The following ATXN1 variants were observed in gnomAD, a reference collection of about 807,000 sequenced individuals.
The protein encoded by ATXN1 is ataxin 1.
In ATXN1, 8 loss-of-function variants were observed where a neutral mutation model predicts 56.4. The ratio of observed to expected loss-of-function variants is 0.14; its 90% CI spans 0.08 to 0.26. The LOEUF (loss-of-function observed/expected upper bound fraction) is 0.26, where lower values mean the gene tolerates loss of function less well. ATXN1 is among the 10% of genes least tolerant of loss of function. The probability of loss-of-function intolerance (pLI) is 1.00; values close to 1 mark genes in which losing one functional copy is unlikely to be tolerated. For missense variants in ATXN1, 987 were observed against 1,106.5 expected, an observed-to-expected ratio of 0.89 and a Z score of 1.53; for synonymous variants, 514 against 494.6, an observed-to-expected ratio of 1.04 and a Z score of -0.52.
intron 3 of ATXN1, among the ~76,000 whole-genome samples, chr6:16,607,052 A>G (rs1013769611): frequency 2.6e-5 from 4 of 151,082 alleles, no homozygotes; most frequent in Admixed American, 6.6e-5. Flanking sequence ...ATGCCCAGCT[A>G]ATGTTTTGTA....
At chr6:16,743,938 T>A (rs493352) in intron 2 of ATXN1, among the ~76,000 whole-genome samples, 12 of 152,016 alleles carry the variant, frequency 7.9e-5, no homozygotes, top group African/African-American at 2.9e-4. Context: ...TCAAAACCTA[T>A]GGAGCCAGGC....
intron 4 of ATXN1, among the ~76,000 whole-genome samples, chr6:16,564,020 T>C (rs1366023049): frequency 6.6e-6 from 1 of 152,224 alleles, no homozygotes; most frequent in African/African-American, 2.4e-5. Flanking sequence ...ACAGACAGCA[T>C]GGACCTTGCT....
At chr6:16,318,327 A>G (rs1428587339) in intron 7 of ATXN1, among the ~76,000 whole-genome samples, 1 of 152,200 alleles carries the variant, frequency 6.6e-6, no homozygotes, top group African/African-American at 2.4e-5. Context: ...CTCATAAGCT[A>G]GGTTTCAGTA....
chr6:16,557,888 C>G (rs1762043516), intron 4 of ATXN1, among the ~76,000 whole-genome samples: 1 of 152,156 alleles, frequency 6.6e-6, no homozygotes, highest in South Asian at 2.1e-4. Context: ...ACCTTGAAAA[C>G]ATTACGCTAA....
intron 2 of ATXN1, among the ~76,000 whole-genome samples, chr6:16,708,199 C>T (rs1759446607): frequency 6.6e-6 from 1 of 152,084 alleles, no homozygotes; most frequent in Admixed American, 6.6e-5. Context: ...AGGTTAAAAG[C>T]ATTATAAATG....
At chr6:16,596,304 CT>C (rs1222910711) in intron 3 of ATXN1, among the ~76,000 whole-genome samples, 1 of 152,172 alleles carries the variant, frequency 6.6e-6, no homozygotes, top group Non-Finnish European at 1.5e-5. Context: ...CTCAGACCTC[CT>C]TTTCTCCCCT....
intron 3 of ATXN1, among the ~76,000 whole-genome samples, chr6:16,626,116 C>A (rs945186375): frequency 6.6e-6 from 1 of 152,106 alleles, no homozygotes; most frequent in Non-Finnish European, 1.5e-5. Context: ...TTCCCCAGTG[C>A]CTAGTACAAC....
chr6:16,680,514 A>G (rs1257098810), intron 2 of ATXN1, among the ~76,000 whole-genome samples: 1 of 152,108 alleles, frequency 6.6e-6, no homozygotes, highest in East Asian at 1.9e-4. Context: ...CATTCATCAG[A>G]CCCTTCAAGG....
intron 2 of ATXN1, among the ~76,000 whole-genome samples, chr6:16,690,980 AG>A (rs1471383666): frequency 6.6e-6 from 1 of 152,242 alleles, no homozygotes; most frequent in Non-Finnish European, 1.5e-5. Context: ...AAAGGAAGAA[AG>A]GGAGATAAGA....
At chr6:16,582,261 A>G (rs982969454) in intron 4 of ATXN1, among the ~76,000 whole-genome samples, 1 of 152,050 alleles carries the variant, frequency 6.6e-6, no homozygotes, top group Non-Finnish European at 1.5e-5. Context: ...TGTTCCCCCA[A>G]ACCAGTTATG....
chr6:16,333,617 G>A (rs1462657275), intron 6 of ATXN1, among the ~76,000 whole-genome samples: 1 of 152,200 alleles, frequency 6.6e-6, no homozygotes, highest in African/African-American at 2.4e-5. Context: ...TGCCTGGCCT[G>A]TATATCTATG....
At position 16,302,849 on chromosome 6, in the gene ATXN1, G is replaced by C. The variant is rs1478063371; in HGVS notation, c.*3480C>G. 3 of 152,670 alleles carry C rather than the reference G, an allele frequency of 2.0e-5. No homozygotes were observed. Among genetic ancestry groups the C allele is most frequent in the African/African-American group, 7.2e-5 (3 of 41,440 alleles). 9.5% of individuals were successfully genotyped at this position (152,670 alleles called of 1,614,324 possible). ...GGCACATGGCTGATCCTTGTAAGCT[G>C]AACGGCACCGAAGAATTTCTACCCC... is the stretch of plus-strand genomic sequence containing the variant. On this transcript the variant is annotated 3_prime_UTR_variant, in exon 8 of 8. Coordinates refer to ENST00000436367, the MANE Select transcript of ATXN1 (RefSeq NM_001128164.2).
intron 3 of ATXN1, among the ~76,000 whole-genome samples, chr6:16,621,927 G>A (rs908183485): frequency 6.6e-5 from 10 of 152,180 alleles, no homozygotes; most frequent in African/African-American, 1.7e-4. Flanking sequence ...AAATGTGGGC[G>A]AGTAGTTTAA....
chr6:16,585,544 T>C (rs945183471), intron 4 of ATXN1, among the ~76,000 whole-genome samples: 1 of 152,194 alleles, frequency 6.6e-6, no homozygotes, highest in Non-Finnish European at 1.5e-5. Flanking sequence ...TGCCTTGTCA[T>C]CTATCCTAAC....
intron 7 of ATXN1, among the ~76,000 whole-genome samples, chr6:16,320,080 G>A (rs1760611799): frequency 6.6e-6 from 1 of 152,114 alleles, no homozygotes; most frequent in South Asian, 2.1e-4. Context: ...GTTCAATGTT[G>A]GCAAGTGGGT....
chr6:16,667,648 A>G (rs1758454568), intron 2 of ATXN1: 1 of 152,280 alleles, frequency 6.6e-6, no homozygotes, highest in South Asian at 2.1e-4. Flanking sequence ...TTTATGAAAC[A>G]AGCTCTGCAA....
intron 6 of ATXN1, among the ~76,000 whole-genome samples, chr6:16,435,018 T>C (rs901798320): frequency 6.6e-6 from 1 of 151,976 alleles, no homozygotes; most frequent in Admixed American, 6.6e-5. Context: ...ACTGAGGAGA[T>C]TGCATCAGTA....
intron 2 of ATXN1, among the ~76,000 whole-genome samples, chr6:16,711,553 T>C (rs994951017): frequency 6.7e-5 from 10 of 149,468 alleles, no homozygotes; most frequent in African/African-American, 2.3e-4. Context: ...TATATACACA[T>C]ATATATATAC....
Position 16,327,536 on chromosome 6 carries a change from G to A in ATXN1, c.775C>T (p.Arg259Cys), listed in dbSNP as rs371773653. 79 of 1,610,062 alleles carry A rather than the reference G, an allele frequency of 4.9e-5. No homozygotes were observed. Among genetic ancestry groups the A allele is most frequent in the Middle Eastern group, 1.6e-4 (1 of 6,078 alleles). The change falls in exon 7 of 8, where the codon CGC becomes TGC. Residue 259 changes from arginine to cysteine, a missense_variant. Transcript: ENST00000436367. ...GGGATGGCCGGAGGAGAGGCGGTGCGGCCGGTGTTCTGCGGAGAACTGGAA... is the reference window on the plus strand; with the variant it reads ...GGGATGGCCGGAGGAGAGGCGGTGCAGCCGGTGTTCTGCGGAGAACTGGAA... The part of the protein sequence containing the change: ...HISSSPQNTG[R>C]TASPPAIPVH...
Sources: allele counts gnomAD v4.1 joint callset (sites outside exome capture counted in the v4.1 genomes callset), GRCh38; gene constraint gnomAD v4.1.1; transcripts MANE v1.5; gene names NCBI Gene and HGNC (gene_info 2026-07-23, HGNC 2026-07-21).